ABI2: variants seen among roughly 807,000 people sequenced by gnomAD.
ABI2 encodes the protein abelson interactor 2.
Under a neutral mutation model 59.2 loss-of-function variants are expected in ABI2, and 25 were observed. That is an observed-to-expected ratio of 0.42 (90% CI 0.31 to 0.59). The LOEUF (loss-of-function observed/expected upper bound fraction) is 0.59. Among genes scored for constraint, ABI2 ranks in the 20% least tolerant of loss-of-function variants. The pLI is 0.14. For synonymous variants in ABI2, 213 were observed against 235.5 expected (o/e 0.90, Z 0.87); for missense variants, 545 against 681.8 (o/e 0.80, Z 2.23).
chr2:203,359,809 A>G (rs2093113183), intron 1 of ABI2, among the ~76,000 whole-genome samples: 2 of 150,810 alleles, frequency 1.3e-5, no homozygotes, highest in Non-Finnish European at 2.9e-5. Context: ...TCTTAATACC[A>G]TCAACATCAG....
intron 1 of ABI2, among the ~76,000 whole-genome samples, chr2:203,338,955 T>C (rs1370075662): frequency 1.1e-4 from 1 of 8,932 alleles, no homozygotes; most frequent in African/African-American, 3.3e-4. Flanking sequence ...TATATATATA[T>C]ATATATAAAT....
chr2:203,329,970 C>A (rs1361496262), intron 1 of ABI2, among the ~76,000 whole-genome samples: 4 of 152,112 alleles, frequency 2.6e-5, no homozygotes, highest in Admixed American at 2.6e-4. Context: ...CTCCTGACTT[C>A]AAGTCATCCA....
At chr2:203,354,041 TTTTA>T (rs1319621904) in intron 1 of ABI2, among the ~76,000 whole-genome samples, 1 of 152,124 alleles carries the variant, frequency 6.6e-6, no homozygotes, top group African/African-American at 2.4e-5. Flanking sequence ...TGTGATTAGA[TTTTA>T]TTTATTTATT....
At chr2:203,389,995 C>A (rs1487047948) in intron 4 of ABI2, among the ~76,000 whole-genome samples, 1 of 152,182 alleles carries the variant, frequency 6.6e-6, no homozygotes, top group African/African-American at 2.4e-5. Context: ...CCTGAATTCA[C>A]CTTCAGTTTG....
rs539705242 is a variant in ABI2, at chr2:203,380,650, TC to T, written c.462+267del. Among the ~76,000 whole-genome samples the T allele has an allele frequency of 2.8e-4, 43 of 152,352 alleles. No individual in the cohort carries two copies. In the East Asian group the frequency reaches 7.9e-3, roughly 28 times the overall value. On this transcript the variant is annotated intron_variant, in intron 3 of 11. Transcript: ENST00000261018. Reference sequence around the variant, plus strand: ...CTCCTATGGTTTGAGTAAATAAGTGTCGTGTAATCTTTCCAATTTTAATTTA... The same window carrying T: ...CTCCTATGGTTTGAGTAAATAAGTGTGTGTAATCTTTCCAATTTTAATTTA...
intron 10 of ABI2, 55 bp downstream of exon 10, chr2:203,411,426 T>C: frequency 7.5e-7 from 1 of 1,339,130 alleles, no homozygotes; most frequent in Non-Finnish European, 1.1e-6. Context: ...AAAATGTCAT[T>C]TATATGTGAT....
intron 11 of ABI2, 112 bp from the exon 12 acceptor site, chr2:203,427,065 C>A: frequency 3.5e-6 from 3 of 867,176 alleles, no homozygotes; most frequent in African/African-American, 1.7e-5. Context: ...TAGAAAGTCA[C>A]CATGTTTGAG....
chr2:203,372,219 A>G (rs1452635851), intron 2 of ABI2, among the ~76,000 whole-genome samples: 1 of 152,150 alleles, frequency 6.6e-6, no homozygotes, highest in Non-Finnish European at 1.5e-5. Context: ...GACACAGCAC[A>G]TGTTTCAGAG....
intron 4 of ABI2, 93 bp from the exon 5 acceptor site, chr2:203,390,953 C>T (rs1178679246): frequency 4.3e-6 from 4 of 927,208 alleles, no homozygotes; most frequent in Non-Finnish European, 6.9e-6. Flanking sequence ...TTTAAACCTT[C>T]CCCTCCTTTG....
chr2:203,421,160 C>G (rs1002697959), intron 11 of ABI2, among the ~76,000 whole-genome samples: 1 of 151,638 alleles, frequency 6.6e-6, no homozygotes, highest in Non-Finnish European at 1.5e-5. Context: ...TTGGAGATAC[C>G]TGATAATAGT....
Position 203,331,466 on chromosome 2 carries a change from C to A in ABI2, c.117+2835C>A, listed in dbSNP as rs865967407. On this transcript the variant is annotated intron_variant, in intron 1 of 11. Coordinates refer to ENST00000261018, the MANE Select transcript of ABI2 (RefSeq NM_001375670.1). The stretch of plus-strand genomic sequence containing the variant: ...CTCCGCCTCCTGGGTTCAAGCGATT[C>A]TTCTGCCTCAGCCTTCCAAGTAGCT... 7.7e-5 allele frequency among the ~76,000 whole-genome samples: 11 copies of A among 142,354 alleles called. No individual in the cohort carries two copies. In the South Asian group the frequency reaches 9.7e-4, roughly 13 times the overall value. The allele number at this position is 142,354 out of a possible 152,430, so 93.4% of individuals were successfully genotyped here. A position where few individuals can be genotyped will look rare whatever the true frequency, so the allele number is the denominator to read the frequency against.
chr2:203,389,868 C>T (rs1559305771), intron 4 of ABI2, among the ~76,000 whole-genome samples: 1 of 152,164 alleles, frequency 6.6e-6, no homozygotes, highest in East Asian at 1.9e-4. Context: ...CCTTTGGTGA[C>T]CTCCATTATT....
intron 10 of ABI2, among the ~76,000 whole-genome samples, chr2:203,413,125 ATGT>A (rs1172914513): frequency 1.3e-5 from 2 of 152,202 alleles, no homozygotes; most frequent in East Asian, 1.9e-4. Context: ...GTTCTGTGAG[ATGT>A]TGTCATTCAT....
At chr2:203,401,498 ATTATT>A (rs2097217390) in intron 8 of ABI2, among the ~76,000 whole-genome samples, 1 of 152,156 alleles carries the variant, frequency 6.6e-6, no homozygotes, top group Non-Finnish European at 1.5e-5. Context: ...AGTGGATTAT[ATTATT>A]AGGAAACTGA....
chr2:203,357,904 G>A (rs2092563751), intron 1 of ABI2, among the ~76,000 whole-genome samples: 1 of 151,958 alleles, frequency 6.6e-6, no homozygotes, highest in African/African-American at 2.4e-5. Context: ...AAGTAGCTGG[G>A]ACTACAGGTG....
chr2:203,392,988 T>C (rs2096829157), intron 5 of ABI2, among the ~76,000 whole-genome samples: 5 of 151,968 alleles, frequency 3.3e-5, no homozygotes, highest in Admixed American at 3.3e-4. Context: ...AAAAAAAATC[T>C]TATTTGTGTC....
chr2:203,421,629 A>G (rs1351253151), intron 11 of ABI2, among the ~76,000 whole-genome samples: 1 of 152,192 alleles, frequency 6.6e-6, no homozygotes, highest in Non-Finnish European at 1.5e-5. Context: ...TGAAGGTATG[A>G]TCTCAAGCAG....
intron 11 of ABI2, 100 bp downstream of exon 11, chr2:203,417,181 TC>T (rs2097927270): frequency 9.1e-7 from 1 of 1,096,360 alleles, no homozygotes; most frequent in South Asian, 2.2e-5. Context: ...TAAGTGAAGT[TC>T]TATTTATTTG....
chr2:203,355,231 G>T, intron 1 of ABI2: 1 of 384,034 alleles, frequency 2.6e-6, no homozygotes, highest in Non-Finnish European at 5.6e-6. Flanking sequence ...AGAAGACTGG[G>T]TACGGTGGCT....
Sources: gnomAD v4.1 joint callset for allele counts (sites outside exome capture counted in the v4.1 genomes callset) on GRCh38, gnomAD v4.1.1 for gene constraint, MANE v1.5 for transcripts, NCBI Gene and HGNC (gene_info 2026-07-23, HGNC 2026-07-21) for gene names.